The following MYT1L variants were observed in gnomAD, a reference collection of about 807,000 sequenced individuals.
MYT1L encodes myelin transcription factor 1 like, also known as myelin transcription factor 1-like protein.
Under a neutral mutation model 126.7 loss-of-function variants are expected in MYT1L, and 12 were observed. The ratio of observed to expected loss-of-function variants is 0.09; its 90% CI spans 0.06 to 0.15. The LOEUF (loss-of-function observed/expected upper bound fraction) is 0.15, where lower values mean the gene tolerates loss of function less well. MYT1L is among the 10% of genes least tolerant of loss of function. MYT1L has a pLI of 1.00. For missense variants in MYT1L, 979 were observed against 1,585.2 expected (o/e 0.62, Z 6.49); for synonymous variants, 541 against 604.2 (o/e 0.90, Z 1.53).
At chr2:2,082,185 A>G (rs2075904429) in intron 3 of MYT1L, among the ~76,000 whole-genome samples, 2 of 152,364 alleles carry the variant, frequency 1.3e-5, no homozygotes, top group South Asian at 2.1e-4. Flanking sequence ...TGTGTATAGC[A>G]TAAGACAGCA....
intron 3 of MYT1L, among the ~76,000 whole-genome samples, chr2:2,158,683 C>T (rs958305582): frequency 2.7e-5 from 4 of 150,586 alleles, no homozygotes; most frequent in African/African-American, 9.8e-5. Flanking sequence ...ACTGCACATA[C>T]AGATGCACAA....
intron 2 of MYT1L, among the ~76,000 whole-genome samples, chr2:2,223,539 T>C (rs2093934562): frequency 1.3e-5 from 2 of 152,222 alleles, no homozygotes; most frequent in Admixed American, 6.5e-5. Flanking sequence ...TGTACTGACG[T>C]GGTATTAGGC....
intron 3 of MYT1L, among the ~76,000 whole-genome samples, chr2:2,170,302 G>A (rs1328284713): frequency 6.6e-6 from 1 of 152,186 alleles, no homozygotes; most frequent in African/African-American, 2.4e-5. Flanking sequence ...GGCCAAATCT[G>A]TTCTCTACCG....
chr2:1,819,257 G>A (rs1184984241), intron 21 of MYT1L, among the ~76,000 whole-genome samples: 2 of 152,180 alleles, frequency 1.3e-5, no homozygotes, highest in South Asian at 2.1e-4. Flanking sequence ...GTCATCAAAC[G>A]TCCTATCTCT....
intron 3 of MYT1L, among the ~76,000 whole-genome samples, chr2:2,111,472 T>C (rs182750225): frequency 2.8e-4 from 43 of 152,302 alleles, no homozygotes; most frequent in Non-Finnish European, 4.9e-4. Flanking sequence ...GCAACCAGCA[T>C]TACAAGGTGG....
At chr2:1,904,921 G>A (rs376563687) in intron 13 of MYT1L, among the ~76,000 whole-genome samples, 3 of 151,880 alleles carry the variant, frequency 2.0e-5, no homozygotes, top group African/African-American at 7.3e-5. Context: ...AGCCTCTCGA[G>A]TAGCTGGGAC....
chr2:2,002,765 G>A (rs554381437), intron 4 of MYT1L, among the ~76,000 whole-genome samples: 10 of 152,296 alleles, frequency 6.6e-5, no homozygotes, highest in Non-Finnish European at 1.3e-4. Flanking sequence ...CCAAGTGGAG[G>A]TAACTGGATC....
At chr2:2,095,023 C>G (rs1292980569) in intron 3 of MYT1L, among the ~76,000 whole-genome samples, 3 of 152,202 alleles carry the variant, frequency 2.0e-5, no homozygotes, top group Admixed American at 6.5e-5. Flanking sequence ...GGAACCCAGT[C>G]CAGCAGGGGT....
chr2:1,904,751 C>A (rs1225602009), intron 13 of MYT1L, among the ~76,000 whole-genome samples: 1 of 152,134 alleles, frequency 6.6e-6, no homozygotes, highest in Non-Finnish European at 1.5e-5. Flanking sequence ...CCTGCCTCAG[C>A]CTCCCAGGCA....
chr2:1,874,540 G>A (rs902958300), intron 18 of MYT1L, among the ~76,000 whole-genome samples: 4 of 152,214 alleles, frequency 2.6e-5, no homozygotes, highest in Non-Finnish European at 4.4e-5. Context: ...GCAGCCAGGC[G>A]TACCTAATGG....
At chr2:1,945,871 C>A (rs1048411341) in intron 8 of MYT1L, among the ~76,000 whole-genome samples, 18 of 152,154 alleles carry the variant, frequency 1.2e-4, no homozygotes, top group Non-Finnish European at 2.5e-4. Context: ...TCTATCAATA[C>A]TTCTAAAACG....
chr2:2,120,620 C>T (rs910922839), intron 3 of MYT1L, among the ~76,000 whole-genome samples: 1 of 151,990 alleles, frequency 6.6e-6, no homozygotes, highest in Non-Finnish European at 1.5e-5. Flanking sequence ...TAAGGGGAGT[C>T]ATGCTCTTAC....
chr2:1,892,904 A>G (rs59858112), intron 14 of MYT1L, among the ~76,000 whole-genome samples: 15,352 of 152,206 alleles, frequency 0.1, 1,533 homozygotes, highest in African/African-American at 0.26. Flanking sequence ...TGAGTCCAAC[A>G]TCCTTTTTTT....
chr2:1,859,800 C>T lies in MYT1L; in HGVS notation c.2712-8097G>A, dbSNP rs377580596. Among the ~76,000 whole-genome samples the T allele has an allele frequency of 1.6e-4, 24 of 152,358 alleles. No individual in the cohort carries two copies. In the East Asian group the frequency reaches 4.3e-3, roughly 27 times the overall value. Reference sequence around the variant, plus strand: ...GCCCCCTGGCCCTGGTGCCCTGATACCCTGGAGGACGCACGCATGCTGCCC... The same window carrying T: ...GCCCCCTGGCCCTGGTGCCCTGATATCCTGGAGGACGCACGCATGCTGCCC... On this transcript the variant is annotated intron_variant, in intron 18 of 24. Coordinates refer to ENST00000647738, the MANE Select transcript of MYT1L (RefSeq NM_001303052.2).
chr2:2,076,793 A>G (rs569472568), intron 3 of MYT1L, among the ~76,000 whole-genome samples: 2 of 129,098 alleles, frequency 1.5e-5, no homozygotes, highest in African/African-American at 6.8e-5. Flanking sequence ...AGAGATACAA[A>G]GAAACAGGAA....
chr2:1,820,588 C>A (rs558359041), intron 21 of MYT1L, among the ~76,000 whole-genome samples: 3 of 152,250 alleles, frequency 2.0e-5, no homozygotes, highest in Non-Finnish European at 4.4e-5. Context: ...GCTGTTGTTA[C>A]CTAGGCTGGA....
At chr2:2,248,028 A>T (rs567189725) in intron 2 of MYT1L, among the ~76,000 whole-genome samples, 3 of 152,110 alleles carry the variant, frequency 2.0e-5, no homozygotes, top group Non-Finnish European at 2.9e-5. Flanking sequence ...GAAAATAAAT[A>T]ATAAAGATAA....
intron 1 of MYT1L, among the ~76,000 whole-genome samples, chr2:2,317,218 C>T (rs540401945): frequency 6.6e-6 from 1 of 152,242 alleles, no homozygotes; most frequent in East Asian, 1.9e-4. Context: ...ATCAATCAAA[C>T]AATAGCATCT....
At chr2:2,060,820 C>T (rs1427495137) in intron 3 of MYT1L, among the ~76,000 whole-genome samples, 1 of 148,948 alleles carries the variant, frequency 6.7e-6, no homozygotes, top group African/African-American at 2.5e-5. Context: ...CTCTCTCTCT[C>T]TTTCCCTCTC....
Sources: allele counts gnomAD v4.1 joint callset (sites outside exome capture counted in the v4.1 genomes callset), GRCh38; gene constraint gnomAD v4.1.1; transcripts MANE v1.5; gene names NCBI Gene and HGNC (gene_info 2026-07-23, HGNC 2026-07-21).